The following APBB2 variants were observed in gnomAD, a reference collection of about 807,000 sequenced individuals.
APBB2 encodes the protein amyloid beta precursor protein binding family B member 2.
Under a neutral mutation model 82.5 loss-of-function variants are expected in APBB2, and 38 were observed. The ratio of observed to expected loss-of-function variants is 0.46; its 90% CI spans 0.36 to 0.60. The LOEUF (loss-of-function observed/expected upper bound fraction) is 0.60. Ranked by LOEUF, APBB2 falls within the 20% of genes least tolerant of loss-of-function variation. APBB2 has a pLI of 0.00. For missense variants in APBB2, 772 were observed against 972.3 expected, an observed-to-expected ratio of 0.79 and a Z score of 2.74; for synonymous variants, 341 against 368.2, an observed-to-expected ratio of 0.93 and a Z score of 0.85.
At chr4:41,036,351 T>A (rs746580108) in intron 4 of APBB2, among the ~76,000 whole-genome samples, 27 of 152,192 alleles carry the variant, frequency 1.8e-4, no homozygotes, top group Non-Finnish European at 1.5e-4. Context: ...AAAATATTCC[T>A]GTTTCCCTGA....
intron 6 of APBB2, among the ~76,000 whole-genome samples, chr4:40,958,495 T>G (rs116499517): frequency 6.6e-6 from 1 of 152,304 alleles, no homozygotes; most frequent in African/African-American, 2.4e-5. Flanking sequence ...AAAACTGCAT[T>G]GAGATCACAA....
At chr4:40,888,296 G>C (rs539495484) in intron 12 of APBB2, among the ~76,000 whole-genome samples, 1 of 152,342 alleles carries the variant, frequency 6.6e-6, no homozygotes, top group African/African-American at 2.4e-5. Context: ...ACTGGAGTTT[G>C]AATCATTTGT....
At chr4:40,939,416 T>A (rs940133611) in intron 7 of APBB2, among the ~76,000 whole-genome samples, 27 of 152,176 alleles carry the variant, frequency 1.8e-4, no homozygotes, top group Non-Finnish European at 4.4e-5. Context: ...TACGATCTAG[T>A]CTTTCCACGA....
intron 12 of APBB2, among the ~76,000 whole-genome samples, chr4:40,883,188 C>G (rs1178277450): frequency 6.6e-6 from 1 of 151,988 alleles, no homozygotes; most frequent in Non-Finnish European, 1.5e-5. Context: ...GTGGCAGCAG[C>G]CTGCCCTATA....
chr4:41,130,594 C>T (rs150387451), intron 2 of APBB2, among the ~76,000 whole-genome samples: 3 of 152,106 alleles, frequency 2.0e-5, no homozygotes, highest in Non-Finnish European at 4.4e-5. Context: ...CCTAGAGGGC[C>T]CCAGAGGGTG....
At chr4:40,927,085 G>A (rs1560298397) in intron 10 of APBB2, among the ~76,000 whole-genome samples, 1 of 152,146 alleles carries the variant, frequency 6.6e-6, no homozygotes, top group Non-Finnish European at 1.5e-5. Context: ...TTTGAAATCT[G>A]AAATTTTCTC....
intron 6 of APBB2, among the ~76,000 whole-genome samples, chr4:40,975,801 T>G (rs1280073058): frequency 7.9e-6 from 1 of 125,880 alleles, no homozygotes; most frequent in Non-Finnish European, 1.8e-5. Flanking sequence ...ACAACCACTC[T>G]ACTTTCCCCT....
chr4:40,906,908 G>A (rs1478333776), intron 10 of APBB2, among the ~76,000 whole-genome samples: 2 of 152,116 alleles, frequency 1.3e-5, no homozygotes, highest in African/African-American at 4.8e-5. Flanking sequence ...TTGAGAGTGT[G>A]TGTATATACA....
chr4:40,886,561 G>A (rs769395520), intron 12 of APBB2, among the ~76,000 whole-genome samples: 12 of 152,200 alleles, frequency 7.9e-5, no homozygotes, highest in South Asian at 2.1e-4. Flanking sequence ...GAAGGTGCTC[G>A]CCAGGGTCTG....
At chr4:40,967,905 C>T (rs1795049268) in intron 6 of APBB2, among the ~76,000 whole-genome samples, 1 of 152,182 alleles carries the variant, frequency 6.6e-6, no homozygotes, top group African/African-American at 2.4e-5. Context: ...AGCTACCCAT[C>T]AAGTGGAAGG....
intron 12 of APBB2, among the ~76,000 whole-genome samples, chr4:40,871,387 C>T (rs909629501): frequency 4.0e-5 from 6 of 151,252 alleles, no homozygotes; most frequent in South Asian, 4.2e-4. Context: ...TCAAGTGATC[C>T]GCCCGCCTTG....
At chr4:41,084,677 G>C (rs1738984539) in intron 3 of APBB2, 1 of 152,116 alleles carries the variant, frequency 6.6e-6, no homozygotes, top group African/African-American at 2.4e-5. Flanking sequence ...CCCTGCACAA[G>C]GATGACATGC....
intron 12 of APBB2, among the ~76,000 whole-genome samples, chr4:40,867,864 CTT>C (rs35665507): frequency 0.015 from 2,080 of 138,720 alleles, 32 homozygotes; most frequent in African/African-American, 0.039. Context: ...ATTTCTGGGG[CTT>C]TTTTTTTTTT....
At chr4:41,180,371 G>A (rs1770991043) in intron 1 of APBB2, among the ~76,000 whole-genome samples, 1 of 152,182 alleles carries the variant, frequency 6.6e-6, no homozygotes, top group South Asian at 2.1e-4. Context: ...ATGGGAGGGG[G>A]AGACGGGAGG....
At chr4:40,980,004 C>T (rs1205077731) in intron 6 of APBB2, among the ~76,000 whole-genome samples, 1 of 152,166 alleles carries the variant, frequency 6.6e-6, no homozygotes, top group Non-Finnish European at 1.5e-5. Flanking sequence ...GAACTACTTG[C>T]CTATTTCACC....
rs574622037 is a variant in APBB2 at position 41,124,395 on chromosome 4, T to C, written c.-261+18592A>G. Among the ~76,000 whole-genome samples the C allele has an allele frequency of 6.6e-5, 10 of 152,268 alleles. No individual in the cohort carries two copies. The East Asian group carries it at 1.2e-3, about 18-fold the overall frequency. On this transcript the variant is annotated intron_variant, in intron 2 of 17. Transcript: ENST00000508593. ...CACCATGCCCGGCTAATTTTTTGTA[T>C]TTTTAGTAGAGACCGTGTTAGCCAG...
intron 5 of APBB2, among the ~76,000 whole-genome samples, chr4:41,030,081 G>A (rs969301664): frequency 3.9e-5 from 6 of 152,074 alleles, no homozygotes; most frequent in East Asian, 1.9e-4. Context: ...ACTTGAACCC[G>A]GGGGGCGAAG....
intron 12 of APBB2, among the ~76,000 whole-genome samples, chr4:40,884,311 AAAC>A (rs1769566940): frequency 1.3e-5 from 2 of 152,314 alleles, no homozygotes; most frequent in South Asian, 4.1e-4. Context: ...TTAAATCTAA[AAAC>A]CTATGAGTCA....
At position 40,826,655 on chromosome 4, in the gene APBB2, T is replaced by A. The variant is rs1184689691; in HGVS notation, c.1732+477A>T. The A allele has an allele frequency of 6.4e-6, 1 of 156,774 alleles. No homozygotes were observed. The highest frequency in any genetic ancestry group is 1.4e-5 in the Non-Finnish European group (1 of 71,378). The allele number at this position is 156,774 out of a possible 1,614,324, so 9.7% of individuals were successfully genotyped here. On this transcript the variant is annotated intron_variant, in intron 14 of 17. Coordinates refer to ENST00000508593, the MANE Select transcript of APBB2 (RefSeq NM_004307.2). This position sits in a 1 kb window ranked among gnomAD's most constrained non-coding sequence, Gnocchi z 4.5. ...CGCGCCTGGCCCATGTTTTCTTTTT[T>A]TAAGATTAGTCAAGTATAGTAGTGG...
Sources: allele counts gnomAD v4.1 joint callset (sites outside exome capture counted in the v4.1 genomes callset), GRCh38; gene constraint gnomAD v4.1.1; non-coding constraint Gnocchi (gnomAD v3.1); transcripts MANE v1.5; gene names NCBI Gene and HGNC (gene_info 2026-07-23, HGNC 2026-07-21).